The following BAHD1 variants were observed in gnomAD, a reference collection of about 807,000 sequenced individuals.
BAHD1 encodes bromo adjacent homology domain containing 1, also known as bromo adjacent homology domain-containing 1 protein.
A neutral mutation model predicts 63.1 loss-of-function variants in BAHD1; 20 were observed. The ratio of observed to expected loss-of-function variants is 0.32; its 90% CI spans 0.22 to 0.46. The LOEUF is 0.46. Ranked by LOEUF, BAHD1 falls within the 20% of genes least tolerant of loss-of-function variation. BAHD1 has a pLI of 1.00. For missense variants in BAHD1, 939 were observed against 1,071.8 expected (o/e 0.88, Z 1.73); for synonymous variants, 408 against 426.8 (o/e 0.96, Z 0.54).
In BAHD1 at chr15:40,459,401, C is replaced by T. The variant is rs1314175095; in HGVS notation, c.937C>T (p.His313Tyr). Reference protein sequence around the residue: ...ALESPLGLRPHLPLLMGGQAA... With the variant: ...ALESPLGLRPYLPLLMGGQAA... Reference sequence around the variant, plus strand: ...GGAGAGCCCTTTGGGGCTGCGCCCTCACCTGCCCCTGCTGATGGGTGGACA... The same window carrying T: ...GGAGAGCCCTTTGGGGCTGCGCCCTTACCTGCCCCTGCTGATGGGTGGACA... Residue 313 changes from histidine (H) to tyrosine (Y), a missense_variant, in exon 2 of 7, where the codon CAC becomes TAC. Physicochemically the swap from His to Tyr is moderately conservative, Grantham distance 83. Coordinates refer to ENST00000416165, the MANE Select transcript of BAHD1 (RefSeq NM_014952.5). 1.2e-5 allele frequency: 19 copies of T among 1,612,770 alleles called. No individual in the cohort carries two copies. Among genetic ancestry groups the T allele is most frequent in the Non-Finnish European group, 1.4e-5 (17 of 1,179,748 alleles).
intron 3 of BAHD1, 24 bp from the exon 4 acceptor site, chr15:40,463,837 T>C (rs1332732029): frequency 1.9e-6 from 3 of 1,613,370 alleles, no homozygotes; most frequent in African/African-American, 2.7e-5. Flanking sequence ...GCAAGCCTAT[T>C]TGTGTCATTG....
intron 1 of BAHD1, among the ~76,000 whole-genome samples, chr15:40,448,631 G>C (rs928625759): frequency 3.9e-5 from 6 of 152,042 alleles, no homozygotes; most frequent in Admixed American, 2.6e-4. Context: ...CCACCTACCG[G>C]GCTCAAGTGA....
intron 6 of BAHD1, among the ~76,000 whole-genome samples, 183 bp from the exon 7 acceptor site, chr15:40,465,758 A>ACCACACTTGC: frequency 6.6e-6 from 1 of 152,214 alleles, no homozygotes; most frequent in Admixed American, 6.5e-5. Flanking sequence ...TTCTCCAGTG[A>ACCACACTTGC]CAGAGAAGAT....
chr15:40,449,729 A>G (rs987506878), intron 1 of BAHD1, among the ~76,000 whole-genome samples: 2 of 151,480 alleles, frequency 1.3e-5, no homozygotes, highest in Admixed American at 1.3e-4. Context: ...GGATTGTTTG[A>G]GCCCAGGAAT....
intron 1 of BAHD1, among the ~76,000 whole-genome samples, chr15:40,449,811 T>C (rs1893651208): frequency 7.3e-6 from 1 of 137,312 alleles, no homozygotes; most frequent in South Asian, 2.3e-4. Context: ...CAAGACCCTG[T>C]CTCAAAAAAA....
Position 40,467,660 on chromosome 15 carries a change from C to T in BAHD1, c.*1530C>T, listed in dbSNP as rs993389888. 1 of 152,654 alleles carries T rather than the reference C, an allele frequency of 6.6e-6. No homozygotes were observed. The highest frequency in any genetic ancestry group is 1.5e-5 in the Non-Finnish European group (1 of 68,068). The allele number at this position is 152,654 out of a possible 1,614,324, so 9.5% of individuals were successfully genotyped here. A position where few individuals can be genotyped will look rare whatever the true frequency, so the allele number is the denominator to read the frequency against. On this transcript the variant is annotated 3_prime_UTR_variant, in exon 7 of 7. Coordinates refer to ENST00000416165, the MANE Select transcript of BAHD1 (RefSeq NM_014952.5). Reference sequence around the variant, plus strand: ...AGTAGATGAGTTGCTCCTGATTGGTCATTGGGTTTGGGTGAGGCCTGGAGG... The same window carrying T: ...AGTAGATGAGTTGCTCCTGATTGGTTATTGGGTTTGGGTGAGGCCTGGAGG...
chr15:40,461,196 A>C (rs573665740), intron 2 of BAHD1, among the ~76,000 whole-genome samples: 1 of 152,306 alleles, frequency 6.6e-6, no homozygotes, highest in African/African-American at 2.4e-5. Flanking sequence ...GGTTTTTGTA[A>C]GGATGAAATG....
chr15:40,438,081 G>A (rs1893314511), upstream of BAHD1, among the ~76,000 whole-genome samples: 1 of 152,136 alleles, frequency 6.6e-6, no homozygotes, highest in African/African-American at 2.4e-5. Flanking sequence ...CCTTTTTTCA[G>A]TGGGAGACCT....
At position 40,459,673 on chromosome 15, in the gene BAHD1, G is replaced by A; in HGVS notation, c.1209G>A (p.Lys403=). ...YSPCPMLPEG[K]LSPVAAPHEE... is the part of the protein sequence containing the mutation. ...CCTGCCCCATGCTTCCTGAGGGCAAGCTGTCCCCAGTGGCTGCACCTCACG... is the reference window on the plus strand; with the variant it reads ...CCTGCCCCATGCTTCCTGAGGGCAAACTGTCCCCAGTGGCTGCACCTCACG... Residue 403 remains lysine (K), a synonymous_variant, in exon 2 of 7, where the codon AAG becomes AAA. Coordinates refer to ENST00000416165, the MANE Select transcript of BAHD1 (RefSeq NM_014952.5). The A allele has an allele frequency of 1.2e-6, 2 of 1,614,076 alleles. No homozygotes were observed. The highest frequency in any genetic ancestry group is 2.2e-5 in the East Asian group (1 of 44,886).
chr15:40,459,527 C>T lies in BAHD1; in HGVS notation c.1063C>T (p.Leu355=). 1 of 1,614,120 alleles carries T rather than the reference C, an allele frequency of 6.2e-7. No homozygotes were observed. Among genetic ancestry groups the T allele is most frequent in the South Asian group, 1.1e-5 (1 of 91,092 alleles). The change falls in exon 2 of 7, where the codon CTG becomes TTG. Residue 355 remains leucine (L), a synonymous_variant. Coordinates refer to ENST00000416165, the MANE Select transcript of BAHD1 (RefSeq NM_014952.5). ...TTTCCCCACACCTCAGCTGTCGCCG[C>T]TGCCGATGCCTGGCAACCCCGCCGA... ...PSFPTPQLSP[L]PMPGNPADYN...
rs754067284 is a variant in BAHD1, at chr15:40,458,590, C to T, written c.126C>T (p.Pro42=). The change falls in exon 2 of 7, where the codon CCC becomes CCT. Residue 42 remains proline (P), a synonymous_variant. Coordinates refer to ENST00000416165, the MANE Select transcript of BAHD1 (RefSeq NM_014952.5). The surrounding 1 kb of genome is among the most constrained non-coding windows in gnomAD (Gnocchi z 4.7). ...TTGAGGGTGTGGAGCCAGGCATGCC[C>T]GAGAGCCCAGGTCACCTCACAGGGC... ...QGVEGVEPGM[P]ESPGHLTGRR... 47 of 1,613,896 alleles carry T rather than the reference C, an allele frequency of 2.9e-5. No individual in the cohort carries two copies. Among genetic ancestry groups the T allele is most frequent in the African/African-American group, 2.5e-4 (19 of 74,918 alleles).
chr15:40,464,467 C>G lies in BAHD1; in HGVS notation c.1976-4C>G. The G allele has an allele frequency of 6.2e-7, 1 of 1,611,706 alleles. No individual in the cohort carries two copies. Among genetic ancestry groups the G allele is most frequent in the Middle Eastern group, 1.7e-4 (1 of 6,050 alleles). ...AAGCCATAACCACTGTGTTGTCCTT[C>G]CAGGAGAGCTGATGATGAGCCTCCT... On this transcript the variant is annotated splice_region_variant and splice_polypyrimidine_tract_variant and intron_variant, in intron 4 of 6. Transcript: ENST00000416165.
At chr15:40,441,686 G>A (rs1340629785) in intron 1 of BAHD1, among the ~76,000 whole-genome samples, 1 of 148,126 alleles carries the variant, frequency 6.8e-6, no homozygotes, top group African/African-American at 2.4e-5. Context: ...CGGCGGAGCC[G>A]GCTCGCCTCC....
upstream of BAHD1, among the ~76,000 whole-genome samples, chr15:40,439,263 T>C (rs1179174358): frequency 6.6e-6 from 1 of 152,224 alleles, no homozygotes; most frequent in African/African-American, 2.4e-5. Context: ...ACACTTTCCC[T>C]GCTGAGGGGG....
In BAHD1 at chr15:40,466,188, A is replaced by G. The variant is rs1353440040; in HGVS notation, c.*58A>G. 6 of 1,512,422 alleles carry G rather than the reference A, an allele frequency of 4.0e-6. No individual in the cohort carries two copies. The highest frequency in any genetic ancestry group is 5.4e-6 in the Non-Finnish European group (6 of 1,116,902). The allele number at this position is 1,512,422 out of a possible 1,614,324, so 93.7% of individuals were successfully genotyped here. ...GCAAGTGGGGCTCGGGGTAGGGGGC[A>G]CTGCTTGAAGCACAGCACTTGGTTA... On this transcript the variant is annotated 3_prime_UTR_variant, in exon 7 of 7. Transcript: ENST00000416165.
At chr15:40,453,906 G>A (rs2141502026) in intron 1 of BAHD1, 1 of 152,162 alleles carries the variant, frequency 6.6e-6, no homozygotes, top group South Asian at 2.1e-4. Context: ...CTGGGAGTTC[G>A]AGGCTACCAT....
rs1316910280 is a variant in BAHD1 at position 40,462,207 on chromosome 15, G to GCGCCCA, written c.1734_1739dup (p.Pro580_Arg581dup). ...GCCACCCCAAGCAGCCACGTGTCCAGCGCCCACGCCCTCGCCGCCGCCGTC... is the reference window on the plus strand; with the variant it reads ...GCCACCCCAAGCAGCCACGTGTCCAGCGCCCACGCCCACGCCCTCGCCGCCGCCGTC... On this transcript the variant is annotated inframe_insertion, in exon 3 of 7. Transcript: ENST00000416165. 7.4e-6 allele frequency: 12 copies of GCGCCCA among 1,612,206 alleles called. No homozygotes were observed. Among genetic ancestry groups the GCGCCCA allele is most frequent in the Non-Finnish European group, 1.0e-5 (12 of 1,179,696 alleles).
chr15:40,466,601 C>T lies in BAHD1; in HGVS notation c.*471C>T, dbSNP rs1051335102. 2 of 158,136 alleles carry T rather than the reference C, an allele frequency of 1.3e-5. No individual in the cohort carries two copies. Among genetic ancestry groups the T allele is most frequent in the Non-Finnish European group, 2.8e-5 (2 of 71,568 alleles). 9.8% of individuals were successfully genotyped at this position (158,136 alleles called of 1,614,324 possible). ...CCCTTCAGCCTGGGACCAGGCTTTC[C>T]TAGATCCCAGCACAGCTCTGAGCTT... On this transcript the variant is annotated 3_prime_UTR_variant, in exon 7 of 7. Transcript: ENST00000416165.
intron 1 of BAHD1, among the ~76,000 whole-genome samples, chr15:40,446,034 G>A (rs1029335240): frequency 6.6e-5 from 10 of 152,152 alleles, no homozygotes; most frequent in African/African-American, 2.4e-4. Context: ...CCTGATCCTG[G>A]GGTCTGGAGA....
Sources: gnomAD v4.1 joint callset for allele counts (sites outside exome capture counted in the v4.1 genomes callset) on GRCh38, gnomAD v4.1.1 for gene constraint, Gnocchi (gnomAD v3.1) non-coding constraint, MANE v1.5 for transcripts, NCBI Gene and HGNC (gene_info 2026-07-23, HGNC 2026-07-21) for gene names.